Variants in BCKDHB observed in about 807,000 individuals in gnomAD.
BCKDHB encodes the protein branched chain keto acid dehydrogenase E1 subunit beta.
Under a neutral mutation model 48.5 loss-of-function variants are expected in BCKDHB, and 41 were observed. The ratio of observed to expected loss-of-function variants is 0.85; its 90% CI spans 0.66 to 1.10. The LOEUF (loss-of-function observed/expected upper bound fraction) is 1.10. BCKDHB is among the 50% of genes least tolerant of loss of function. The pLI, the probability that BCKDHB is intolerant of heterozygous loss-of-function variation, is 0.00. For missense variants in BCKDHB, 496 were observed against 494.2 expected (o/e 1.00, Z -0.03); for synonymous variants, 201 against 174.8 (o/e 1.15, Z -1.18).
At chr6:80,406,718 G>T in the BCKDHB span, among the ~76,000 whole-genome samples, 2 of 152,046 alleles carry the variant, frequency 1.3e-5, no homozygotes, top group African/African-American at 2.4e-5. Flanking sequence ...ATTTTTTCTT[G>T]TAAATTTGTT....
intron 8 of BCKDHB, among the ~76,000 whole-genome samples, chr6:80,244,548 T>C (rs1403250594): frequency 2.0e-5 from 3 of 152,192 alleles, no homozygotes; most frequent in Non-Finnish European, 4.4e-5. Context: ...AACAGAACTG[T>C]TGTTGCCCTG....
At chr6:80,429,274 G>C in the BCKDHB span, among the ~76,000 whole-genome samples, 2 of 152,166 alleles carry the variant, frequency 1.3e-5, no homozygotes, top group Non-Finnish European at 2.9e-5. Flanking sequence ...TGTTACTGTA[G>C]ACTTGTAGTA....
At chr6:80,331,611 T>G (rs1421216015) in intron 9 of BCKDHB, among the ~76,000 whole-genome samples, 1 of 152,212 alleles carries the variant, frequency 6.6e-6, no homozygotes, top group African/African-American at 2.4e-5. Context: ...AGCACTCATC[T>G]ATAATACTCA....
chr6:80,194,962 C>T (rs898390862), intron 6 of BCKDHB, among the ~76,000 whole-genome samples: 1 of 152,140 alleles, frequency 6.6e-6, no homozygotes, highest in Non-Finnish European at 1.5e-5. Context: ...CCCACTGTTG[C>T]TCCCAGGAGT....
At chr6:80,435,537 A>G in the BCKDHB span, among the ~76,000 whole-genome samples, 2 of 152,174 alleles carry the variant, frequency 1.3e-5, no homozygotes, top group Non-Finnish European at 2.9e-5. Context: ...GAGAAATAAC[A>G]CTACTTCATT....
At chr6:80,193,832 T>C (rs1470022369) in intron 6 of BCKDHB, among the ~76,000 whole-genome samples, 4 of 152,180 alleles carry the variant, frequency 2.6e-5, no homozygotes, top group Non-Finnish European at 5.9e-5. Flanking sequence ...GTCAAGAGTG[T>C]CTAGCAAAAT....
rs77628672 is a variant in BCKDHB, at chr6:80,305,652, G to A, written c.1038+32431G>A. 6.0e-3 allele frequency among the ~76,000 whole-genome samples: 914 copies of A among 152,224 alleles called. 10 individuals are homozygous for A. The highest frequency in any genetic ancestry group is 0.021 in the African/African-American group (874 of 41,554). ...TCCAAAGAAGAACTGAGTGAGGGCTGATTTCTGCTACATGTTGAAGCAAAG... is the reference window on the plus strand; with the variant it reads ...TCCAAAGAAGAACTGAGTGAGGGCTAATTTCTGCTACATGTTGAAGCAAAG... On this transcript the variant is annotated intron_variant, in intron 9 of 9. Coordinates refer to ENST00000320393, the MANE Select transcript of BCKDHB (RefSeq NM_183050.4).
At chr6:80,351,091 T>C (rs1024025024), downstream of BCKDHB, among the ~76,000 whole-genome samples, 1 of 152,236 alleles carries the variant, frequency 6.6e-6, no homozygotes, top group Non-Finnish European at 1.5e-5. Context: ...ACATTTAACC[T>C]TGTATACTAG....
At chr6:80,145,028 A>AT (rs1356081565) in intron 3 of BCKDHB, among the ~76,000 whole-genome samples, 2 of 152,192 alleles carry the variant, frequency 1.3e-5, no homozygotes, top group Non-Finnish European at 2.9e-5. Context: ...ACGTAGTTAC[A>AT]TAACGTATCA....
chr6:80,278,265 G>A (rs932791360), intron 9 of BCKDHB, among the ~76,000 whole-genome samples: 1 of 152,124 alleles, frequency 6.6e-6, no homozygotes, highest in Non-Finnish European at 1.5e-5. Context: ...ACTAAAAGAT[G>A]GAGCCAGAGC....
the BCKDHB span, among the ~76,000 whole-genome samples, chr6:80,415,666 G>A: frequency 4.1e-4 from 63 of 152,122 alleles, no homozygotes; most frequent in Non-Finnish European, 6.8e-4. Flanking sequence ...TGCTGGATTC[G>A]CCAGGCCAGT....
intron 1 of BCKDHB, among the ~76,000 whole-genome samples, chr6:80,108,849 ACT>A (rs900809992): frequency 5.3e-5 from 8 of 152,180 alleles, no homozygotes; most frequent in African/African-American, 1.9e-4. Flanking sequence ...ACAGAGCAAG[ACT>A]CTGTCTCAAA....
the BCKDHB span, among the ~76,000 whole-genome samples, chr6:80,426,939 A>G: frequency 2.0e-5 from 3 of 152,104 alleles, no homozygotes; most frequent in Admixed American, 2.0e-4. Flanking sequence ...TTTAAACTAT[A>G]ATTTTGGATT....
chr6:80,258,747 A>G (rs1204443135), intron 8 of BCKDHB, among the ~76,000 whole-genome samples: 1 of 150,694 alleles, frequency 6.6e-6, no homozygotes. Flanking sequence ...GATGAGAGTT[A>G]GTAAAAAAAA....
At chr6:80,332,326 G>A (rs1582582399) in intron 9 of BCKDHB, among the ~76,000 whole-genome samples, 1 of 152,228 alleles carries the variant, frequency 6.6e-6, no homozygotes, top group East Asian at 1.9e-4. Context: ...TAATTTAATT[G>A]CAATGGCTTG....
chr6:80,227,446 T>C (rs1039984745), intron 8 of BCKDHB, among the ~76,000 whole-genome samples: 5 of 152,224 alleles, frequency 3.3e-5, no homozygotes, highest in Admixed American at 6.5e-5. Context: ...CTTTTTTACT[T>C]TTCAATTTAA....
chr6:80,106,740 C>G lies in BCKDHB; in HGVS notation c.47C>G (p.Ala16Gly). 1 of 1,564,332 alleles carries G rather than the reference C, an allele frequency of 6.4e-7. No individual in the cohort carries two copies. The highest frequency in any genetic ancestry group is 1.2e-5 in the South Asian group (1 of 85,710). ...GCCGGCTGGCTACTCAGGCTCAGGGCGGCAGGGGCTGAGGGGCACTGGCGT... is the reference window on the plus strand; with the variant it reads ...GCCGGCTGGCTACTCAGGCTCAGGGGGGCAGGGGCTGAGGGGCACTGGCGT... ...AAAGWLLRLR[A>G]AGAEGHWRRL... Residue 16 changes from alanine to glycine, a missense_variant, in exon 1 of 10, where the codon GCG (alanine) becomes GGG (glycine). Coordinates refer to ENST00000320393, the MANE Select transcript of BCKDHB (RefSeq NM_183050.4).
chr6:80,348,490 C>T (rs1335483508), downstream of BCKDHB, among the ~76,000 whole-genome samples: 1 of 152,194 alleles, frequency 6.6e-6, no homozygotes, highest in African/African-American at 2.4e-5. Context: ...GCTGCCAATC[C>T]CAACACTGTG....
chr6:80,315,599 T>G (rs80252552), intron 9 of BCKDHB, among the ~76,000 whole-genome samples: 2 of 144,602 alleles, frequency 1.4e-5, no homozygotes, highest in South Asian at 2.2e-4. Flanking sequence ...CGATCCCTTG[T>G]TTTTTTTTTT....
Sources: allele counts gnomAD v4.1 joint callset (sites outside exome capture counted in the v4.1 genomes callset), GRCh38; gene constraint gnomAD v4.1.1; transcripts MANE v1.5; gene names NCBI Gene and HGNC (gene_info 2026-07-23, HGNC 2026-07-21).